Variants in POLE2 observed in about 807,000 individuals in gnomAD.
POLE2 encodes DNA polymerase epsilon subunit 2.
A neutral mutation model predicts 79.4 loss-of-function variants in POLE2; 56 were observed. That is an observed-to-expected ratio of 0.71 (90% CI 0.57 to 0.88). POLE2 has a LOEUF of 0.88. Among genes scored for constraint, POLE2 ranks in the 40% least tolerant of loss-of-function variants. The pLI, the probability that POLE2 is intolerant of heterozygous loss-of-function variation, is 0.00. For missense variants in POLE2, 598 were observed against 638.9 expected (o/e 0.94, Z 0.69); for synonymous variants, 212 against 214.0 (o/e 0.99, Z 0.08).
chr14:49,671,461 C>G (rs567813925), intron 5 of POLE2, among the ~76,000 whole-genome samples: 6 of 151,580 alleles, frequency 4.0e-5, no homozygotes, highest in Admixed American at 1.3e-4. Context: ...ACTAAAAATA[C>G]AAAAAATTAG....
chr14:49,644,240 G>T (rs1053965248), intron 18 of POLE2, among the ~76,000 whole-genome samples: 1 of 150,992 alleles, frequency 6.6e-6, no homozygotes, highest in Admixed American at 6.6e-5. Flanking sequence ...GCCGGGCGCG[G>T]TGGCTCACGC....
intron 3 of POLE2, among the ~76,000 whole-genome samples, chr14:49,678,524 A>G (rs1272843115): frequency 1.3e-5 from 2 of 152,198 alleles, no homozygotes; most frequent in Non-Finnish European, 2.9e-5. Context: ...GAAAATAAGT[A>G]AATAAATAAA....
chr14:49,668,040 G>A (rs1331868479), intron 6 of POLE2, among the ~76,000 whole-genome samples: 1 of 152,202 alleles, frequency 6.6e-6, no homozygotes, highest in Non-Finnish European at 1.5e-5. Flanking sequence ...GGGAGGCTGA[G>A]GCGGGCGGAT....
chr14:49,679,531 C>A, intron 3 of POLE2, 194 bp downstream of exon 3: 1 of 507,914 alleles, frequency 2.0e-6, no homozygotes, highest in Non-Finnish European at 3.5e-6. Flanking sequence ...CCTCAAATCC[C>A]AGGAAAAACC....
chr14:49,663,619 G>A (rs1467150980), intron 9 of POLE2, among the ~76,000 whole-genome samples: 1 of 152,146 alleles, frequency 6.6e-6, no homozygotes, highest in African/African-American at 2.4e-5. Flanking sequence ...CAGTTTGGCA[G>A]TACGTGTTGA....
At chr14:49,686,383 GAGGA>G (rs767569855) in intron 1 of POLE2, among the ~76,000 whole-genome samples, 4 of 152,218 alleles carry the variant, frequency 2.6e-5, no homozygotes, top group Non-Finnish European at 5.9e-5. Flanking sequence ...GCAAGGGACT[GAGGA>G]TAGCCTCCAG....
At chr14:49,654,674 C>A in intron 13 of POLE2, 110 bp downstream of exon 13, 4 of 1,271,224 alleles carry the variant, frequency 3.1e-6, no homozygotes, top group Non-Finnish European at 4.2e-6. Context: ...ATTTTCTCAA[C>A]TTTATCTTTC....
intron 10 of POLE2, among the ~76,000 whole-genome samples, chr14:49,657,362 C>T (rs1047683200): frequency 2.0e-5 from 3 of 151,848 alleles, no homozygotes; most frequent in Non-Finnish European, 2.9e-5. Flanking sequence ...TAGATATAGA[C>T]CTGTGCATTC....
chr14:49,654,323 A>G, intron 13 of POLE2, 109 bp from the exon 14 acceptor site: 2 of 746,988 alleles, frequency 2.7e-6, no homozygotes, highest in Non-Finnish European at 4.4e-6. Flanking sequence ...AAAAACATTT[A>G]AATTTCATGC....
At position 49,655,679 on chromosome 14, in the gene POLE2, A is replaced by C; in HGVS notation, c.920T>G (p.Met307Arg). Residue 307 changes from methionine (M) to arginine (R), a missense_variant, in exon 11 of 19, where the codon ATG becomes AGG. Transcript: ENST00000216367. ...AAAAAAATAAGACCTACCAGCAAAC[A>C]TTATGCGAAGTTTTTCCAATACTTC... Reference protein sequence around the residue: ...QVEVLEKLRIMFAGYSPAPPT... With the variant: ...QVEVLEKLRIRFAGYSPAPPT... The C allele has an allele frequency of 1.2e-6, 2 of 1,606,560 alleles. No homozygotes were observed. The highest frequency in any genetic ancestry group is 1.7e-6 in the Non-Finnish European group (2 of 1,177,658).
chr14:49,684,894 G>C lies in POLE2; in HGVS notation c.69-1201C>G, dbSNP rs1594625662. 2.0e-5 allele frequency among the ~76,000 whole-genome samples: 3 copies of C among 152,040 alleles called. No individual in the cohort carries two copies. In the Middle Eastern group the frequency reaches 0.01, roughly 517 times the overall value. On this transcript the variant is annotated intron_variant, in intron 1 of 18. Transcript: ENST00000216367. ...TGGGAGGCTGAGGAGGGAGAACGGA[G>C]TGAACCTGAGAGGCGGAGCTTGCAG...
At position 49,655,809 on chromosome 14, in the gene POLE2, G is replaced by A; in HGVS notation, c.790C>T (p.Pro264Ser). Residue 264 changes from proline (P) to serine (S), a missense_variant, in exon 11 of 19, where the codon CCT becomes TCT. Physicochemically the swap from Pro to Ser is moderately conservative, Grantham distance 74. Transcript: ENST00000216367. ...GAAGTCTTCACAGATGTATTAGAAG[G>A]ACCTCCAAAAAAATTAATATTTCCA... Reference protein sequence around the residue: ...YYGNINFFGGPSNTSVKTSAK... With the variant: ...YYGNINFFGGSSNTSVKTSAK... 6.4e-7 allele frequency: 1 copy of A among 1,574,688 alleles called. No individual in the cohort carries two copies. Among genetic ancestry groups the A allele is most frequent in the East Asian group, 2.2e-5 (1 of 44,474 alleles).
intron 2 of POLE2, 147 bp from the exon 3 acceptor site, chr14:49,679,947 GAAC>G: frequency 1.7e-6 from 1 of 582,844 alleles, no homozygotes; most frequent in Non-Finnish European, 3.1e-6. Context: ...TGTTAGGTCA[GAAC>G]AATAACAAAA....
intron 1 of POLE2, among the ~76,000 whole-genome samples, chr14:49,686,916 TAC>T (rs1200970528): frequency 2.0e-5 from 3 of 152,012 alleles, no homozygotes; most frequent in African/African-American, 7.3e-5. Context: ...ACCAAAAATC[TAC>T]ACACACAAAA....
chr14:49,659,015 G>A (rs565381510), intron 10 of POLE2, among the ~76,000 whole-genome samples: 19 of 152,116 alleles, frequency 1.2e-4, no homozygotes, highest in Non-Finnish European at 2.5e-4. Flanking sequence ...CTTTCCAGTG[G>A]ACAAGATGTG....
chr14:49,652,862 CT>C (rs796204606), intron 15 of POLE2, among the ~76,000 whole-genome samples: 113 of 152,252 alleles, frequency 7.4e-4, no homozygotes, highest in African/African-American at 2.2e-3. Flanking sequence ...CCCACCCCCC[CT>C]GGCGTCTGTC....
At chr14:49,677,557 T>C (rs111712600) in intron 3 of POLE2, 1 of 481,602 alleles carries the variant, frequency 2.1e-6, no homozygotes, top group South Asian at 3.0e-5. Context: ...GACCCAGCAG[T>C]GCACCATCTC....
At chr14:49,651,540 T>C (rs1207413835) in intron 15 of POLE2, 163 bp from the exon 16 acceptor site, 2 of 461,030 alleles carry the variant, frequency 4.3e-6, no homozygotes, top group East Asian at 3.3e-5. Flanking sequence ...CAGCTATGTA[T>C]TGAGCTCTTA....
At chr14:49,644,592 G>C (rs1380021480) in intron 18 of POLE2, among the ~76,000 whole-genome samples, 2 of 151,652 alleles carry the variant, frequency 1.3e-5, no homozygotes, top group Non-Finnish European at 2.9e-5. Flanking sequence ...GAAGTGATAG[G>C]ATATTATGCA....
Sources: gnomAD v4.1 joint callset for allele counts (sites outside exome capture counted in the v4.1 genomes callset) on GRCh38, gnomAD v4.1.1 for gene constraint, MANE v1.5 for transcripts, NCBI Gene and HGNC (gene_info 2026-07-23, HGNC 2026-07-21) for gene names.